The following ALG14 variants were observed in gnomAD, a reference collection of about 807,000 sequenced individuals.
ALG14 encodes UDP-N-acetylglucosamine transferase subunit ALG14.
A neutral mutation model predicts 22.8 loss-of-function variants in ALG14; 17 were observed. The ratio of observed to expected loss-of-function variants is 0.75; its 90% CI spans 0.51 to 1.12. The LOEUF (loss-of-function observed/expected upper bound fraction) is 1.12. ALG14 is among the 50% of genes most tolerant of loss of function. ALG14 has a pLI of 0.00. For missense variants in ALG14, 288 were observed against 271.8 expected (o/e 1.06, Z -0.42); for synonymous variants, 89 against 103.7 (o/e 0.86, Z 0.86).
chr1:95,035,146 G>A (rs1674142812), intron 2 of ALG14, among the ~76,000 whole-genome samples: 1 of 152,188 alleles, frequency 6.6e-6, no homozygotes, highest in Non-Finnish European at 1.5e-5. Context: ...CTGGCAGTCA[G>A]CTGGGTTATA....
intron 2 of ALG14, among the ~76,000 whole-genome samples, chr1:95,049,830 C>T (rs749857971): frequency 6.6e-6 from 1 of 151,938 alleles, no homozygotes; most frequent in Non-Finnish European, 1.5e-5. Flanking sequence ...ATGATTGAGC[C>T]ACTGCACTCC....
At chr1:95,017,527 T>C (rs1673538027) in intron 3 of ALG14, among the ~76,000 whole-genome samples, 1 of 151,874 alleles carries the variant, frequency 6.6e-6, no homozygotes, top group South Asian at 2.1e-4. Context: ...TGGGAGAGAA[T>C]GTCAAGGATA....
At chr1:95,056,704 C>A (rs764788938) in intron 2 of ALG14, among the ~76,000 whole-genome samples, 1 of 151,860 alleles carries the variant, frequency 6.6e-6, no homozygotes, top group East Asian at 2.0e-4. Flanking sequence ...AACTCTATGA[C>A]CTTTAAGTCC....
intron 3 of ALG14, among the ~76,000 whole-genome samples, chr1:94,996,902 C>G (rs1325756505): frequency 6.6e-6 from 1 of 151,998 alleles, no homozygotes; most frequent in African/African-American, 2.4e-5. Context: ...AGGCTGGTAT[C>G]GAATTCCTGA....
intron 2 of ALG14, among the ~76,000 whole-genome samples, chr1:95,034,374 G>A (rs1407511250): frequency 6.6e-6 from 1 of 152,164 alleles, no homozygotes; most frequent in Non-Finnish European, 1.5e-5. Context: ...ATTTCATCTT[G>A]CTCACTGCTA....
chr1:95,025,024 T>C (rs1352524486), intron 3 of ALG14, among the ~76,000 whole-genome samples: 1 of 152,220 alleles, frequency 6.6e-6, no homozygotes, highest in Non-Finnish European at 1.5e-5. Flanking sequence ...GGAATCACTA[T>C]CTATGGCAGC....
chr1:95,014,290 T>A (rs1673444622), intron 3 of ALG14, among the ~76,000 whole-genome samples: 1 of 152,214 alleles, frequency 6.6e-6, no homozygotes, highest in Admixed American at 6.5e-5. Flanking sequence ...CTGTTGGACA[T>A]CCTGAAGCCT....
chr1:94,998,731 G>A (rs1672972195), intron 3 of ALG14, among the ~76,000 whole-genome samples: 1 of 152,150 alleles, frequency 6.6e-6, no homozygotes, highest in African/African-American at 2.4e-5. Flanking sequence ...TAATGCCTCA[G>A]TTTTCTTATT....
At position 94,983,313 on chromosome 1, in the gene ALG14, G is replaced by T. The variant is rs1464194662; in HGVS notation, c.421-7C>A. The T allele has an allele frequency of 1.2e-6, 2 of 1,609,280 alleles. No homozygotes were observed. The highest frequency in any genetic ancestry group is 1.1e-5 in the South Asian group (1 of 90,402). ...CTGGTCCGTTACACAACACCTGAAA[G>T]AAAAAGTTGAAGGTCAAATGAAAAT... On this transcript the variant is annotated splice_polypyrimidine_tract_variant and splice_region_variant and intron_variant, in intron 3 of 3. Transcript: ENST00000370205.
At chr1:95,038,937 G>T (rs1176915753) in intron 2 of ALG14, among the ~76,000 whole-genome samples, 2 of 152,082 alleles carry the variant, frequency 1.3e-5, no homozygotes, top group Non-Finnish European at 2.9e-5. Context: ...GCCCAGGCTG[G>T]TCTGGAATTC....
At chr1:94,988,349 TA>T (rs1194819231) in intron 3 of ALG14, among the ~76,000 whole-genome samples, 1 of 152,222 alleles carries the variant, frequency 6.6e-6, no homozygotes, top group Admixed American at 6.5e-5. Flanking sequence ...TGCCTATCCC[TA>T]AAAGTGTGTC....
intron 2 of ALG14, among the ~76,000 whole-genome samples, chr1:95,043,053 GTTTT>G (rs940814311): frequency 6.6e-6 from 1 of 151,642 alleles, no homozygotes. Context: ...TAGCCAAGGG[GTTTT>G]TTTTGTTCTT....
intron 3 of ALG14, among the ~76,000 whole-genome samples, chr1:95,017,351 G>A (rs1673533263): frequency 6.6e-6 from 1 of 151,646 alleles, no homozygotes; most frequent in African/African-American, 2.4e-5. Flanking sequence ...AAGAGTCACT[G>A]TGCTAGGAAA....
At chr1:95,056,414 G>A (rs1175635570) in intron 2 of ALG14, among the ~76,000 whole-genome samples, 1 of 152,178 alleles carries the variant, frequency 6.6e-6, no homozygotes, top group Non-Finnish European at 1.5e-5. Flanking sequence ...GGAGGCCAAG[G>A]TGGGCAGACT....
At position 94,978,774 on chromosome 1, in the gene ALG14, A is replaced by G. The variant is rs1672441298; in HGVS notation, c.*4302T>C. On this transcript the variant is annotated 3_prime_UTR_variant, in exon 4 of 4. Transcript: ENST00000370205. ...GATTTCCCTATCTAGAACACCAACT[A>G]CCTTCTACTCCGTCATAGTACCCTG... 6.6e-6 allele frequency: 1 copy of G among 151,500 alleles called. No homozygotes were observed. Among genetic ancestry groups the G allele is most frequent in the Non-Finnish European group, 1.5e-5 (1 of 67,960 alleles). 9.4% of individuals were successfully genotyped at this position (151,500 alleles called of 1,614,324 possible). A position where few individuals can be genotyped will look rare whatever the true frequency, so the allele number is the denominator to read the frequency against.
chr1:95,027,306 C>A, intron 2 of ALG14, 46 bp from the exon 3 acceptor site: 1 of 1,597,614 alleles, frequency 6.3e-7, no homozygotes, highest in South Asian at 1.1e-5. Context: ...TCACTGATAT[C>A]AAAGTTAAAC....
At chr1:94,989,952 AC>A (rs758230180) in intron 3 of ALG14, among the ~76,000 whole-genome samples, 6 of 152,200 alleles carry the variant, frequency 3.9e-5, no homozygotes, top group Admixed American at 2.0e-4. Context: ...ATTTCCTCAG[AC>A]AGGGCTAAAA....
chr1:95,027,724 G>A (rs1233815815), intron 2 of ALG14, among the ~76,000 whole-genome samples: 6 of 152,226 alleles, frequency 3.9e-5, no homozygotes, highest in Non-Finnish European at 7.3e-5. Flanking sequence ...GATTGGCAAC[G>A]ACAGTGGATA....
At chr1:95,045,991 T>G (rs918802885) in intron 2 of ALG14, among the ~76,000 whole-genome samples, 2 of 147,990 alleles carry the variant, frequency 1.4e-5, no homozygotes, top group Admixed American at 6.8e-5. Flanking sequence ...GAATTAGTAT[T>G]ATATTATTAT....
Sources: gnomAD v4.1 joint callset for allele counts (sites outside exome capture counted in the v4.1 genomes callset) on GRCh38, gnomAD v4.1.1 for gene constraint, MANE v1.5 for transcripts, NCBI Gene and HGNC (gene_info 2026-07-23, HGNC 2026-07-21) for gene names.